The following CAMKMT variants were observed in gnomAD, a reference collection of about 807,000 sequenced individuals.
CAMKMT encodes the protein calmodulin-lysine N-methyltransferase, also known as CaM KMT.
CAMKMT carries 53 observed loss-of-function variants against 48.0 expected under a neutral mutation model. The ratio of observed to expected loss-of-function variants is 1.10; its 90% confidence interval spans 0.89 to 1.39. The LOEUF (loss-of-function observed/expected upper bound fraction) is 1.39. CAMKMT is among the 40% of genes most tolerant of loss of function. The probability of loss-of-function intolerance (pLI) is 0.00; values close to 1 mark genes in which losing one functional copy is unlikely to be tolerated. For missense variants in CAMKMT, 428 were observed against 402.7 expected, an observed-to-expected ratio of 1.06 and a Z score of -0.54; for synonymous variants, 165 against 152.3, an observed-to-expected ratio of 1.08 and a Z score of -0.61.
chr2:44,684,710 G>A (rs1676237581), intron 3 of CAMKMT, among the ~76,000 whole-genome samples: 1 of 152,152 alleles, frequency 6.6e-6, no homozygotes, highest in African/African-American at 2.4e-5. Context: ...CTTCCATGTT[G>A]CTGGCCTGGA....
intron 9 of CAMKMT, among the ~76,000 whole-genome samples, chr2:44,765,082 G>C (rs1680781667): frequency 1.3e-5 from 2 of 152,032 alleles, no homozygotes; most frequent in African/African-American, 2.4e-5. Flanking sequence ...AAAAAAATTA[G>C]CCAGGCGTGG....
At chr2:44,658,898 G>A (rs951171822) in intron 3 of CAMKMT, among the ~76,000 whole-genome samples, 2 of 152,058 alleles carry the variant, frequency 1.3e-5, no homozygotes, top group Non-Finnish European at 2.9e-5. Context: ...AAGTACTCAT[G>A]CTTAATTTCT....
At chr2:44,541,073 T>C (rs1667081457) in intron 3 of CAMKMT, among the ~76,000 whole-genome samples, 1 of 152,204 alleles carries the variant, frequency 6.6e-6, no homozygotes, top group South Asian at 2.1e-4. Flanking sequence ...TTGGTCAGTC[T>C]ATTTGTGTGC....
At chr2:44,521,978 T>C (rs990199149) in intron 3 of CAMKMT, among the ~76,000 whole-genome samples, 1 of 152,068 alleles carries the variant, frequency 6.6e-6, no homozygotes, top group Non-Finnish European at 1.5e-5. Context: ...TTCACAGTTA[T>C]GCAACCTCTG....
At chr2:44,551,782 C>T (rs1667729353) in intron 3 of CAMKMT, among the ~76,000 whole-genome samples, 1 of 152,084 alleles carries the variant, frequency 6.6e-6, no homozygotes, top group African/African-American at 2.4e-5. Context: ...TGCTTTTGTA[C>T]ATGTCACTTC....
intron 7 of CAMKMT, among the ~76,000 whole-genome samples, chr2:44,737,073 C>A (rs564489860): frequency 2.0e-5 from 3 of 152,002 alleles, no homozygotes; most frequent in African/African-American, 7.2e-5. Context: ...AATTTTACTT[C>A]GTTGGGATCT....
chr2:44,362,589 G>A (rs897387797), intron 1 of CAMKMT, among the ~76,000 whole-genome samples: 4 of 152,148 alleles, frequency 2.6e-5, no homozygotes, highest in Admixed American at 2.6e-4. Flanking sequence ...TTTGCCCAGC[G>A]TGGTTGACTA....
At chr2:44,570,084 G>C (rs922047177) in intron 3 of CAMKMT, among the ~76,000 whole-genome samples, 1 of 151,910 alleles carries the variant, frequency 6.6e-6, no homozygotes, top group Non-Finnish European at 1.5e-5. Flanking sequence ...ATTTCATAAA[G>C]CCAGGATAAA....
intron 3 of CAMKMT, among the ~76,000 whole-genome samples, chr2:44,524,896 T>C (rs1671317647): frequency 6.6e-6 from 1 of 152,128 alleles, no homozygotes; most frequent in Admixed American, 6.5e-5. Flanking sequence ...GCAATAGATA[T>C]TATGCCTCCT....
intron 3 of CAMKMT, among the ~76,000 whole-genome samples, chr2:44,540,893 C>T (rs566017623): frequency 6.1e-4 from 93 of 152,338 alleles, no homozygotes; most frequent in African/African-American, 2.0e-3. Context: ...TATTCTTATG[C>T]ATGATGTAAG....
At chr2:44,714,996 C>T (rs1355613631) in intron 6 of CAMKMT, among the ~76,000 whole-genome samples, 2 of 152,062 alleles carry the variant, frequency 1.3e-5, no homozygotes, top group Non-Finnish European at 2.9e-5. Context: ...GAGTTCGAGA[C>T]CAGCCTGGCC....
intron 3 of CAMKMT, among the ~76,000 whole-genome samples, chr2:44,591,204 T>G (rs1186482276): frequency 6.6e-6 from 1 of 150,898 alleles, no homozygotes. Flanking sequence ...TCCAGCTTTG[T>G]TCTTTTGGCT....
intron 3 of CAMKMT, among the ~76,000 whole-genome samples, chr2:44,663,553 C>A (rs943121690): frequency 6.6e-6 from 1 of 152,174 alleles, no homozygotes; most frequent in Non-Finnish European, 1.5e-5. Flanking sequence ...CACTCAAGTC[C>A]ATTTTCAGAA....
chr2:44,496,260 A>G (rs533521590), intron 3 of CAMKMT, among the ~76,000 whole-genome samples: 3 of 152,334 alleles, frequency 2.0e-5, no homozygotes, highest in African/African-American at 7.2e-5. Context: ...TTACTGTCTT[A>G]TAACAATAAA....
intron 3 of CAMKMT, among the ~76,000 whole-genome samples, chr2:44,568,448 C>T (rs553913849): frequency 6.6e-6 from 1 of 152,250 alleles, no homozygotes; most frequent in South Asian, 2.1e-4. Flanking sequence ...TATGAGTATT[C>T]CTGCTCAGCA....
chr2:44,527,743 G>T (rs996098133), intron 3 of CAMKMT, among the ~76,000 whole-genome samples: 1 of 146,864 alleles, frequency 6.8e-6, no homozygotes, highest in Non-Finnish European at 1.5e-5. Context: ...TAAACACAAA[G>T]TACAGAGCAT....
At position 44,760,610 on chromosome 2, in the gene CAMKMT, C is replaced by CAA. The variant is rs1162341532; in HGVS notation, c.763-5802_763-5801dup. On this transcript the variant is annotated intron_variant, in intron 9 of 10. Coordinates refer to ENST00000378494, the MANE Select transcript of CAMKMT (RefSeq NM_024766.5). ...TGGGCAACAGAGCGAGATTCCATCT[C>CAA]AAAAAAAAAAAAAAAAAAAGAGTTA... is the stretch of plus-strand genomic sequence containing the variant. 3.2e-4 allele frequency among the ~76,000 whole-genome samples: 19 copies of CAA among 60,274 alleles called. 1 individual carries two copies. The highest frequency in any genetic ancestry group is 6.9e-4 in the Admixed American group (4 of 5,810). The allele number at this position is 60,274 out of a possible 152,430, so 39.5% of individuals were successfully genotyped here. A position where few individuals can be genotyped will look rare whatever the true frequency, so the allele number is the denominator to read the frequency against.
rs74340887 is a variant in CAMKMT at position 44,505,300 on chromosome 2, G to T, written c.376+114995G>T. On this transcript the variant is annotated intron_variant, in intron 3 of 10. Transcript: ENST00000378494. ...ATATTCTACATGCTACTCTTTGTTG[G>T]ATATGCAGTAGTTTGCAAATGTTTT... is the stretch of plus-strand genomic sequence containing the variant. Among the ~76,000 whole-genome samples, 122 of 152,212 alleles carry T rather than the reference G, an allele frequency of 8.0e-4. 2 individuals carry two copies. The East Asian group carries it at 0.021, about 26-fold the overall frequency.
chr2:44,375,835 G>C (rs1679633979), intron 2 of CAMKMT, among the ~76,000 whole-genome samples: 2 of 151,912 alleles, frequency 1.3e-5, no homozygotes, highest in Admixed American at 1.3e-4. Context: ...ACCCAGGCTG[G>C]AGTGCAGTAG....
Sources: gnomAD v4.1 joint callset for allele counts (sites outside exome capture counted in the v4.1 genomes callset) on GRCh38, gnomAD v4.1.1 for gene constraint, MANE v1.5 for transcripts, NCBI Gene and HGNC (gene_info 2026-07-23, HGNC 2026-07-21) for gene names.